ADGRL3: variants seen among roughly 807,000 people sequenced by gnomAD.
ADGRL3 encodes the protein adhesion G protein-coupled receptor L3.
In ADGRL3, 62 loss-of-function variants were observed where a neutral mutation model predicts 153.5. The ratio of observed to expected loss-of-function variants is 0.40; its 90% CI spans 0.33 to 0.50. ADGRL3 has a LOEUF of 0.50. Ranked by LOEUF, ADGRL3 falls within the 20% of genes least tolerant of loss-of-function variation. The pLI is 0.47. For missense variants in ADGRL3, 1,641 were observed against 1,859.4 expected, an observed-to-expected ratio of 0.88 and a Z score of 2.16; for synonymous variants, 710 against 672.5, an observed-to-expected ratio of 1.06 and a Z score of -0.86.
chr4:61,281,111 T>C (rs1423751695), intron 1 of ADGRL3, among the ~76,000 whole-genome samples: 2 of 152,110 alleles, frequency 1.3e-5, no homozygotes, highest in African/African-American at 2.4e-5. Context: ...TATATATGCC[T>C]AACTTTTAAA....
chr4:62,009,065 C>T (rs77824906), intron 21 of ADGRL3, among the ~76,000 whole-genome samples: 3,379 of 152,148 alleles, frequency 0.022, 132 homozygotes, highest in African/African-American at 0.078. Flanking sequence ...TGTGTAAGAA[C>T]ACTCTATAAT....
intron 25 of ADGRL3, among the ~76,000 whole-genome samples, chr4:62,058,566 C>G (rs980995238): frequency 3.3e-5 from 5 of 152,090 alleles, no homozygotes; most frequent in African/African-American, 4.8e-5. Context: ...TGCCTCCCTT[C>G]CAGGAAAAAT....
intron 4 of ADGRL3, chr4:61,583,825 T>A (rs2098935643): frequency 4.1e-6 from 2 of 492,360 alleles, no homozygotes; most frequent in Admixed American, 4.2e-5. Context: ...TATAACAGAT[T>A]ACCTCATGGA....
intron 5 of ADGRL3, among the ~76,000 whole-genome samples, chr4:61,616,804 A>G (rs574104698): frequency 7.4e-4 from 113 of 152,216 alleles, no homozygotes; most frequent in African/African-American, 2.6e-3. Context: ...AAAATCAGAA[A>G]TGCTATCATT....
In ADGRL3 at chr4:61,775,438, G is replaced by A. The variant is rs556101208; in HGVS notation, c.1400-38371G>A. 927 of 674,896 alleles carry A rather than the reference G, an allele frequency of 1.4e-3. 15 individuals carry two copies. Among genetic ancestry groups the A allele is most frequent in the South Asian group, 0.011 (765 of 72,470 alleles). 41.8% of individuals were successfully genotyped at this position (674,896 alleles called of 1,614,324 possible). A position where few individuals can be genotyped will look rare whatever the true frequency, so the allele number is the denominator to read the frequency against. ...TGTGTGTGTGTGTGTGTGTGCCAAA[G>A]ATTTATGTCTTCATTTCTTGCATTT... On this transcript the variant is annotated intron_variant, in intron 8 of 26. Transcript: ENST00000683033.
rs1168958844 is a variant in ADGRL3, at chr4:62,071,757, CT to C, written c.*853del. ...TTCATTTTCTTTTTTTCTTTTTTGC[CT>C]TTTATTCCTTTAAAATTTCGCCTGG... On this transcript the variant is annotated 3_prime_UTR_variant, in exon 27 of 27. Coordinates refer to ENST00000683033, the MANE Select transcript of ADGRL3 (RefSeq NM_001387552.1). 1.8e-5 allele frequency: 7 copies of C among 399,382 alleles called. No individual in the cohort carries two copies. In the Admixed American group the frequency reaches 1.8e-4, roughly 10 times the overall value. 24.7% of individuals were successfully genotyped at this position (399,382 alleles called of 1,614,324 possible).
In ADGRL3 at chr4:61,216,425, G is replaced by C. The variant is rs181209462; in HGVS notation, c.-240+14660G>C. Among the ~76,000 whole-genome samples the C allele has an allele frequency of 5.3e-5, 8 of 152,082 alleles. No individual in the cohort carries two copies. In the East Asian group the frequency reaches 1.4e-3, roughly 26 times the overall value. On this transcript the variant is annotated intron_variant, in intron 1 of 26. Coordinates refer to ENST00000683033, the MANE Select transcript of ADGRL3 (RefSeq NM_001387552.1). The stretch of plus-strand genomic sequence containing the variant: ...GATTCAGAGCTTTAGGCCCATAGCA[G>C]TGTTACCTTGTATCAAGGCAGTTTC...
chr4:62,012,529 C>T (rs2099191438), intron 21 of ADGRL3, among the ~76,000 whole-genome samples: 1 of 152,170 alleles, frequency 6.6e-6, no homozygotes, highest in African/African-American at 2.4e-5. Flanking sequence ...ACCAGGATTT[C>T]AACAGATAGT....
intron 8 of ADGRL3, among the ~76,000 whole-genome samples, chr4:61,806,926 A>G (rs2097558975): frequency 6.6e-6 from 1 of 151,996 alleles, no homozygotes; most frequent in African/African-American, 2.4e-5. Flanking sequence ...TTGTTCCTCT[A>G]CTAGTCTTTC....
intron 8 of ADGRL3, among the ~76,000 whole-genome samples, chr4:61,791,608 G>A (rs1171400133): frequency 1.3e-5 from 2 of 152,232 alleles, no homozygotes; most frequent in African/African-American, 2.4e-5. Flanking sequence ...TCTTCTCACA[G>A]CTCCACTAGG....
intron 17 of ADGRL3, among the ~76,000 whole-genome samples, chr4:61,976,357 T>C (rs890802103): frequency 6.6e-6 from 1 of 152,166 alleles, no homozygotes; most frequent in Non-Finnish European, 1.5e-5. Flanking sequence ...AGTTCTATTA[T>C]GGCAGACTAT....
chr4:61,454,666 T>C (rs77614725), intron 2 of ADGRL3, among the ~76,000 whole-genome samples: 3,121 of 152,242 alleles, frequency 0.021, 105 homozygotes, highest in African/African-American at 0.066. Flanking sequence ...TATGTGGATA[T>C]GTACATAAAT....
chr4:61,844,844 C>T (rs552325492), intron 9 of ADGRL3, among the ~76,000 whole-genome samples: 1 of 151,946 alleles, frequency 6.6e-6, no homozygotes, highest in South Asian at 2.1e-4. Context: ...TCCCTCACTC[C>T]CTTCTGCTAC....
intron 11 of ADGRL3, among the ~76,000 whole-genome samples, chr4:61,897,819 CT>C (rs1219054910): frequency 6.6e-6 from 1 of 152,042 alleles, no homozygotes; most frequent in Non-Finnish European, 1.5e-5. Flanking sequence ...AGATGGAACA[CT>C]TGAGGAGGTT....
intron 19 of ADGRL3, among the ~76,000 whole-genome samples, chr4:61,988,268 C>T (rs983741579): frequency 6.6e-6 from 1 of 151,922 alleles, no homozygotes; most frequent in Non-Finnish European, 1.5e-5. Flanking sequence ...CAAGAATGTA[C>T]TTAGAACTAA....
At chr4:61,732,646 G>T in intron 7 of ADGRL3, 108 bp from the exon 8 acceptor site, 2 of 510,788 alleles carry the variant, frequency 3.9e-6, no homozygotes, top group Non-Finnish European at 6.4e-6. Flanking sequence ...AATAAGTGAT[G>T]GTGGGTATCT....
chr4:62,004,811 T>G (rs941125501), intron 21 of ADGRL3, among the ~76,000 whole-genome samples: 1 of 152,088 alleles, frequency 6.6e-6, no homozygotes, highest in Non-Finnish European at 1.5e-5. Flanking sequence ...AATAATACAT[T>G]TATTTTATTC....
At chr4:61,557,584 T>C (rs1254820646) in intron 4 of ADGRL3, among the ~76,000 whole-genome samples, 6 of 152,174 alleles carry the variant, frequency 3.9e-5, no homozygotes, top group African/African-American at 1.4e-4. Flanking sequence ...TACAGTGGCA[T>C]TTATAAGTCA....
At chr4:61,433,373 A>G (rs1227422547) in intron 2 of ADGRL3, among the ~76,000 whole-genome samples, 1 of 150,022 alleles carries the variant, frequency 6.7e-6, no homozygotes, top group Non-Finnish European at 1.5e-5. Context: ...TTTAAAAAAA[A>G]ATCAGGCCAC....
Sources: allele counts gnomAD v4.1 joint callset (sites outside exome capture counted in the v4.1 genomes callset), GRCh38; gene constraint gnomAD v4.1.1; transcripts MANE v1.5; gene names NCBI Gene and HGNC (gene_info 2026-07-23, HGNC 2026-07-21).